SAG: variants seen among roughly 807,000 people sequenced by gnomAD.
SAG encodes the protein S-arrestin.
In SAG, 45 loss-of-function variants were observed where a neutral mutation model predicts 55.0. That is an observed-to-expected ratio of 0.82 (90% CI 0.64 to 1.05). SAG has a LOEUF of 1.05. Ranked by LOEUF, SAG falls within the 50% of genes least tolerant of loss-of-function variation. The probability of loss-of-function intolerance (pLI) is 0.00; values close to 1 mark genes in which losing one functional copy is unlikely to be tolerated. For synonymous variants in SAG, 189 were observed against 197.4 expected (o/e 0.96, Z 0.36); for missense variants, 455 against 512.1 (o/e 0.89, Z 1.08).
intron 6 of SAG, among the ~76,000 whole-genome samples, chr2:233,324,682 G>A (rs371633298): frequency 2.0e-3 from 306 of 152,274 alleles, no homozygotes; most frequent in African/African-American, 6.6e-3. Context: ...GGAAGGAGGC[G>A]GTGGGGACAG....
At chr2:233,317,056 T>C (rs146679465) in intron 3 of SAG, among the ~76,000 whole-genome samples, 83 of 152,206 alleles carry the variant, frequency 5.5e-4, no homozygotes, top group African/African-American at 1.8e-3. Flanking sequence ...GAGATGGAGT[T>C]TTGCCATGTT....
At chr2:233,328,705 A>G in intron 8 of SAG, 92 bp downstream of exon 8, 1 of 1,328,392 alleles carries the variant, frequency 7.5e-7, no homozygotes, top group South Asian at 1.5e-5. Flanking sequence ...CCTTAACTAC[A>G]TGGGTGCCTT....
chr2:233,343,886 T>C (rs144252715), intron 14 of SAG: 128 of 404,898 alleles, frequency 3.2e-4, no homozygotes, highest in African/African-American at 2.6e-3. Flanking sequence ...CCCCCACTAT[T>C]CATTTTAGGT....
chr2:233,343,272 G>C (rs374252169), intron 14 of SAG: 1 of 154,684 alleles, frequency 6.5e-6, no homozygotes, highest in Non-Finnish European at 1.4e-5. Flanking sequence ...TAGTAGAGAC[G>C]GGGTTTCGCC....
At position 233,320,849 on chromosome 2, in the gene SAG, G is replaced by A. The variant is rs142637858; in HGVS notation, c.375+26G>A. ...GTGGGTGACTCCTCCGGCCAGCCCT[G>A]CTTCCTTCACCCGCAGCACCTTATC... On this transcript the variant is annotated intron_variant, in intron 5 of 15. Coordinates refer to ENST00000409110, the MANE Select transcript of SAG (RefSeq NM_000541.5). 1.5e-4 allele frequency: 235 copies of A among 1,551,944 alleles called. No individual in the cohort carries two copies. In the African/African-American group the frequency reaches 3.1e-3, roughly 20 times the overall value.
intron 2 of SAG, among the ~76,000 whole-genome samples, chr2:233,314,580 A>C (rs1056159464): frequency 2.0e-5 from 3 of 152,246 alleles, no homozygotes; most frequent in Non-Finnish European, 4.4e-5. Flanking sequence ...AGCAACCAGC[A>C]GGTAGCAGTG....
chr2:233,339,537 G>GTTTTTT (rs10711990), intron 12 of SAG, among the ~76,000 whole-genome samples: 2 of 129,332 alleles, frequency 1.5e-5, no homozygotes, highest in African/African-American at 6.0e-5. Flanking sequence ...TTAGCATAGT[G>GTTTTTT]TTTTTTTTTT....
chr2:233,317,853 A>G (rs1315895992), intron 3 of SAG, among the ~76,000 whole-genome samples: 1 of 152,230 alleles, frequency 6.6e-6, no homozygotes, highest in African/African-American at 2.4e-5. Flanking sequence ...GTGAGTATGA[A>G]TAGATGTTTG....
At chr2:233,321,013 CT>C in intron 5 of SAG, among the ~76,000 whole-genome samples, 190 bp downstream of exon 5, 1 of 152,130 alleles carries the variant, frequency 6.6e-6, no homozygotes, top group Admixed American at 6.6e-5. Flanking sequence ...GCCTCTTAGC[CT>C]TTGAAGACAC....
rs1018472228 is a variant in SAG at position 233,307,847 on chromosome 2, C to T, written c.-204C>T. The T allele has an allele frequency of 2.6e-5, 4 of 152,434 alleles. No homozygotes were observed. Among genetic ancestry groups the T allele is most frequent in the African/African-American group, 9.6e-5 (4 of 41,464 alleles). The allele number at this position is 152,434 out of a possible 1,614,324, so 9.4% of individuals were successfully genotyped here. On this transcript the variant is annotated 5_prime_UTR_variant, in exon 1 of 16. Transcript: ENST00000409110. ...TGGATGCTGGGCATCCTCGCTAGAT[C>T]CCCTACAAATTCCCCACATACGTAG...
chr2:233,342,367 A>G (rs1161947422), intron 14 of SAG, 41 bp downstream of exon 14: 1 of 1,462,524 alleles, frequency 6.8e-7, no homozygotes, highest in African/African-American at 1.4e-5. Context: ...ATTATTTGCT[A>G]CTTGCAGATT....
intron 9 of SAG, among the ~76,000 whole-genome samples, chr2:233,330,518 TTC>T (rs1700722460): frequency 6.7e-6 from 1 of 148,656 alleles, no homozygotes. Context: ...CCTTCCTTCC[TTC>T]CTTCCTTCCT....
rs1300011649 is a variant in SAG, at chr2:233,346,866, G to GA, written c.1173dup (p.Glu392ArgfsTer3). On this transcript the variant is annotated frameshift_variant, in exon 16 of 16. Coordinates refer to ENST00000409110, the MANE Select transcript of SAG (RefSeq NM_000541.5). LOFTEE classifies it high-confidence loss of function. ...GCTCGCCATAATCTGAAAGATGCAG[G>GA]AGAAGCTGAGGAGGGGAAGAGAGAC... is the stretch of plus-strand genomic sequence containing the variant. 1 of 1,613,072 alleles carries GA rather than the reference G, an allele frequency of 6.2e-7. No individual in the cohort carries two copies. Among genetic ancestry groups the GA allele is most frequent in the Non-Finnish European group, 8.5e-7 (1 of 1,179,328 alleles).
chr2:233,343,749 C>A, intron 14 of SAG: 1 of 1,129,186 alleles, frequency 8.9e-7, no homozygotes, highest in Non-Finnish European at 1.1e-6. Flanking sequence ...TGAGAACTCT[C>A]CGTAGGTATA....
Position 233,340,365 on chromosome 2 carries a change from G to C in SAG, c.1023-90G>C. On this transcript the variant is annotated intron_variant, in intron 12 of 15. Coordinates refer to ENST00000409110, the MANE Select transcript of SAG (RefSeq NM_000541.5). The surrounding 1 kb of genome is among the most constrained non-coding windows in gnomAD (Gnocchi z 4.2). ...GTGAGTTCGGGTGCAAGGGCCATGA[G>C]AGCTGGGCTGTGTCCTGCCTCTGAA... The C allele has an allele frequency of 2.6e-6, 3 of 1,141,324 alleles. No homozygotes were observed. In the South Asian group the frequency reaches 3.9e-5, roughly 15 times the overall value. The allele number at this position is 1,141,324 out of a possible 1,614,324, so 70.7% of individuals were successfully genotyped here.
At chr2:233,345,299 T>C (rs1198642672) in intron 14 of SAG, 1 of 152,270 alleles carries the variant, frequency 6.6e-6, no homozygotes, top group Non-Finnish European at 1.5e-5. Flanking sequence ...CAAGCTTTAA[T>C]GCACACTCTA....
rs959434978 is a variant in SAG, at chr2:233,340,347, C to T, written c.1023-108C>T. On this transcript the variant is annotated intron_variant, in intron 12 of 15. Transcript: ENST00000409110. The surrounding 1 kb of genome is among the most constrained non-coding windows in gnomAD (Gnocchi z 4.2). Reference sequence around the variant, plus strand: ...GGGAAGACCCTGGATGTTGTGAGTTCGGGTGCAAGGGCCATGAGAGCTGGG... The same window carrying T: ...GGGAAGACCCTGGATGTTGTGAGTTTGGGTGCAAGGGCCATGAGAGCTGGG... 8.2e-6 allele frequency: 7 copies of T among 853,592 alleles called. No individual in the cohort carries two copies. The highest frequency in any genetic ancestry group is 2.6e-5 in the East Asian group (1 of 38,386). The allele number at this position is 853,592 out of a possible 1,614,324, so 52.9% of individuals were successfully genotyped here.
chr2:233,312,177 C>A (rs1242169480), intron 2 of SAG, among the ~76,000 whole-genome samples: 1 of 152,138 alleles, frequency 6.6e-6, no homozygotes, highest in Admixed American at 6.6e-5. Flanking sequence ...GAACAACCAC[C>A]AACTACCCTC....
At chr2:233,338,165 C>CG (rs1431337769) in intron 11 of SAG, among the ~76,000 whole-genome samples, 4 of 152,022 alleles carry the variant, frequency 2.6e-5, no homozygotes, top group Non-Finnish European at 5.9e-5. Flanking sequence ...AAGACTGGCG[C>CG]GGGGGGCGCT....
Sources: gnomAD v4.1 joint callset for allele counts (sites outside exome capture counted in the v4.1 genomes callset) on GRCh38, gnomAD v4.1.1 for gene constraint, Gnocchi (gnomAD v3.1) non-coding constraint, MANE v1.5 for transcripts, NCBI Gene and HGNC (gene_info 2026-07-23, HGNC 2026-07-21) for gene names.